Variants in GLRA2 observed in about 807,000 individuals in gnomAD.
The protein encoded by GLRA2 is glycine receptor subunit alpha-2.
GLRA2 carries 11 observed loss-of-function variants against 31.6 expected under a neutral mutation model. The ratio of observed to expected loss-of-function variants is 0.35; its 90% CI spans 0.22 to 0.58. The LOEUF (loss-of-function observed/expected upper bound fraction) is 0.58, where lower values mean the gene tolerates loss of function less well. Ranked by LOEUF, GLRA2 falls within the 20% of genes least tolerant of loss-of-function variation. GLRA2 has a pLI of 0.84. For synonymous variants in GLRA2, 132 were observed against 134.0 expected (o/e 0.99, Z 0.10); for missense variants, 212 against 351.8 (o/e 0.60, Z 3.18).
At chrX:14,730,180 GTGC>G (rs756871008) in intron 8 of GLRA2, 24 bp from the exon 9 acceptor site, 26 of 1,151,809 alleles carry the variant, frequency 2.3e-5, no homozygotes, top group Non-Finnish European at 2.6e-5. Context: ...CAACCAATCT[GTGC>G]TTCCTCTGTC....
chrX:14,618,442 A>G (rs764174948), intron 7 of GLRA2, among the ~76,000 whole-genome samples: 7 of 112,163 alleles, frequency 6.2e-5, no homozygotes, highest in African/African-American at 1.9e-4. Flanking sequence ...TGAATTAAAC[A>G]GAGATATAGT....
rs55675050 is a variant in GLRA2 at position 14,541,089 on chromosome X, G to T, written c.202+8717G>T. Reference sequence around the variant, plus strand: ...TTAACATATTTGCTAATATTAATGTGCTTGTCCCTACAGTAATTCCCTCCA... The same window carrying T: ...TTAACATATTTGCTAATATTAATGTTCTTGTCCCTACAGTAATTCCCTCCA... On this transcript the variant is annotated intron_variant, in intron 2 of 8. Transcript: ENST00000218075. 1.7e-3 allele frequency among the ~76,000 whole-genome samples: 194 copies of T among 111,995 alleles called. 1 individual carries two copies. Among genetic ancestry groups the T allele is most frequent in the Non-Finnish European group, 3.3e-3 (175 of 52,986 alleles).
At chrX:14,722,938 T>G (rs2091883472) in intron 8 of GLRA2, among the ~76,000 whole-genome samples, 1 of 112,940 alleles carries the variant, frequency 8.9e-6, no homozygotes, top group Admixed American at 9.3e-5. Context: ...TATTGCCTTA[T>G]CTGGGTAAAA....
chrX:14,459,734 A>G, the GLRA2 span, among the ~76,000 whole-genome samples: 10 of 111,778 alleles, frequency 8.9e-5, 1 homozygote, highest in South Asian at 3.8e-3. Context: ...GTATCCTGAG[A>G]CTGCTGAAGT....
the GLRA2 span, among the ~76,000 whole-genome samples, chrX:14,505,108 C>T: frequency 8.9e-6 from 1 of 111,831 alleles, no homozygotes; most frequent in Non-Finnish European, 1.9e-5. Flanking sequence ...TTGTCCATGA[C>T]ACAGAGAAGT....
At chrX:14,537,674 T>C (rs968391520) in intron 2 of GLRA2, among the ~76,000 whole-genome samples, 6 of 111,190 alleles carry the variant, frequency 5.4e-5, no homozygotes, top group Admixed American at 4.8e-4. Flanking sequence ...TTGATGGAAA[T>C]GACAGTAAGC....
chrX:14,550,353 TGGA>T (rs2089543487), intron 2 of GLRA2, among the ~76,000 whole-genome samples: 1 of 108,637 alleles, frequency 9.2e-6, no homozygotes, highest in Non-Finnish European at 1.9e-5. Flanking sequence ...GGATAATTGA[TGGA>T]GGAGAGTTCT....
chrX:14,503,416 G>A, the GLRA2 span, among the ~76,000 whole-genome samples: 1 of 111,481 alleles, frequency 9.0e-6, no homozygotes, highest in Non-Finnish European at 1.9e-5. Flanking sequence ...ATTTCCAGAG[G>A]GTACCACAAT....
intron 7 of GLRA2, among the ~76,000 whole-genome samples, chrX:14,688,811 C>T (rs759944483): frequency 9.0e-6 from 1 of 110,647 alleles, no homozygotes; most frequent in Non-Finnish European, 1.9e-5. Flanking sequence ...CACTGTCCTG[C>T]CCCCACTGTC....
the GLRA2 span, among the ~76,000 whole-genome samples, chrX:14,481,073 T>G: frequency 1.8e-5 from 2 of 111,496 alleles, no homozygotes; most frequent in African/African-American, 6.5e-5. Flanking sequence ...AGTTCTCTTT[T>G]TAGGGATGTT....
At chrX:14,472,688 G>A in the GLRA2 span, among the ~76,000 whole-genome samples, 5 of 111,366 alleles carry the variant, frequency 4.5e-5, no homozygotes, top group Non-Finnish European at 7.5e-5. Flanking sequence ...AGCTCCTGTC[G>A]CATCTTTTTA....
intron 8 of GLRA2, 33 bp downstream of exon 8, chrX:14,690,892 G>A (rs1418717008): frequency 1.3e-5 from 16 of 1,187,606 alleles, no homozygotes; most frequent in East Asian, 3.0e-5. Flanking sequence ...ACAATGTAGA[G>A]CTTGAGTTGG....
rs993538724 is a variant in GLRA2, at chrX:14,731,419, T to C, written c.*934T>C. 4 of 111,929 alleles carry C rather than the reference T, an allele frequency of 3.6e-5. No homozygotes were observed. Among genetic ancestry groups the C allele is most frequent in the Admixed American group, 1.9e-4 (2 of 10,455 alleles). The allele number at this position is 111,929 out of a possible 1,213,427, so 9.2% of individuals were successfully genotyped here. A position where few individuals can be genotyped will look rare whatever the true frequency, so the allele number is the denominator to read the frequency against. ...TGCAGCTACTCAGCTACAGTATTTA[T>C]GGAGATGGTGTGTCCTGAACAGTGT... On this transcript the variant is annotated 3_prime_UTR_variant, in exon 9 of 9. Coordinates refer to ENST00000218075, the MANE Select transcript of GLRA2 (RefSeq NM_002063.4).
chrX:14,594,007 A>T (rs2090173119), intron 4 of GLRA2, among the ~76,000 whole-genome samples: 1 of 112,425 alleles, frequency 8.9e-6, no homozygotes, highest in African/African-American at 3.2e-5. Flanking sequence ...GCTTGGTTTC[A>T]AAGTGTTATC....
chrX:14,460,626 ATT>A, the GLRA2 span, among the ~76,000 whole-genome samples: 3 of 111,336 alleles, frequency 2.7e-5, no homozygotes, highest in Admixed American at 9.5e-5. Flanking sequence ...TTTCTTCTAG[ATT>A]TTCTAGTTTA....
At chrX:14,700,305 AGAGCAGGAAGGGGCAGGGACG>A (rs2091520391) in intron 8 of GLRA2, among the ~76,000 whole-genome samples, 1 of 110,768 alleles carries the variant, frequency 9.0e-6, no homozygotes, top group South Asian at 3.9e-4. Context: ...AGGTTGAGAA[AGAGCAGGAAGGGGCAGGGACG>A]GAGCAGGAAG....
chrX:14,456,231 A>C, the GLRA2 span, among the ~76,000 whole-genome samples: 1 of 110,787 alleles, frequency 9.0e-6, no homozygotes, highest in Non-Finnish European at 1.9e-5. Context: ...TTTATTTTCT[A>C]ATTGACACCT....
chrX:14,489,598 C>A, the GLRA2 span, among the ~76,000 whole-genome samples: 54 of 112,236 alleles, frequency 4.8e-4, no homozygotes, highest in South Asian at 1.1e-3. Flanking sequence ...CAGGCTTCTC[C>A]CCAGAGAAAG....
At chrX:14,672,408 A>C (rs1183442855) in intron 7 of GLRA2, among the ~76,000 whole-genome samples, 1 of 112,610 alleles carries the variant, frequency 8.9e-6, no homozygotes, top group African/African-American at 3.2e-5. Context: ...TAATAATGCT[A>C]TCTGATGGCA....
Sources: allele counts gnomAD v4.1 joint callset (sites outside exome capture counted in the v4.1 genomes callset), GRCh38; gene constraint gnomAD v4.1.1; transcripts MANE v1.5; gene names NCBI Gene and HGNC (gene_info 2026-07-23, HGNC 2026-07-21).